The following LRMDA variants were observed in gnomAD, a reference collection of about 807,000 sequenced individuals.
The protein encoded by LRMDA is leucine-rich melanocyte differentiation-associated protein.
A neutral mutation model predicts 29.8 loss-of-function variants in LRMDA; 18 were observed. The ratio of observed to expected loss-of-function variants is 0.60; its 90% CI spans 0.42 to 0.90. The LOEUF (loss-of-function observed/expected upper bound fraction) is 0.90, where lower values mean the gene tolerates loss of function less well. LRMDA is among the 40% of genes least tolerant of loss of function. The pLI is 0.00. For missense variants in LRMDA, 273 were observed against 273.9 expected (o/e 1.00, Z 0.02); for synonymous variants, 125 against 109.4 (o/e 1.14, Z -0.89).
chr10:75,928,963 G>A (rs1846164801), intron 2 of LRMDA, among the ~76,000 whole-genome samples: 1 of 152,166 alleles, frequency 6.6e-6, no homozygotes, highest in South Asian at 2.1e-4. Context: ...TTTCTTTGGG[G>A]AAAGGATTAC....
intron 2 of LRMDA, among the ~76,000 whole-genome samples, chr10:75,981,467 CA>C (rs1847169083): frequency 6.6e-6 from 1 of 152,152 alleles, no homozygotes; most frequent in Admixed American, 6.5e-5. Flanking sequence ...TAACATATAA[CA>C]GGGTGGGTTT....
At chr10:76,299,182 T>TGTGTGC (rs1456708447) in intron 5 of LRMDA, among the ~76,000 whole-genome samples, 2 of 151,916 alleles carry the variant, frequency 1.3e-5, no homozygotes, top group Non-Finnish European at 2.9e-5. Flanking sequence ...TGTGTGTGTG[T>TGTGTGC]GTGTGTGCAT....
chr10:75,557,798 T>A (rs1436515971), intron 2 of LRMDA, among the ~76,000 whole-genome samples: 1 of 152,198 alleles, frequency 6.6e-6, no homozygotes, highest in East Asian at 1.9e-4. Context: ...CCTCTTCTTT[T>A]AAAGCTAGAT....
At chr10:76,509,964 A>G (rs1292616921) in intron 6 of LRMDA, among the ~76,000 whole-genome samples, 1 of 152,208 alleles carries the variant, frequency 6.6e-6, no homozygotes, top group Non-Finnish European at 1.5e-5. Context: ...TAAAACTAGT[A>G]TGCTCCAACC....
intron 2 of LRMDA, among the ~76,000 whole-genome samples, chr10:75,852,795 GT>G (rs1359709380): frequency 6.6e-6 from 1 of 152,066 alleles, no homozygotes. Context: ...TATGATGAGT[GT>G]TCAAAACTAG....
chr10:75,468,144 CA>C, intron 2 of LRMDA, among the ~76,000 whole-genome samples: 1 of 152,276 alleles, frequency 6.6e-6, no homozygotes, highest in South Asian at 2.1e-4. Flanking sequence ...TGGAACCAGG[CA>C]AAAGTATTTG....
At chr10:76,502,413 T>G (rs1842919314) in intron 6 of LRMDA, among the ~76,000 whole-genome samples, 1 of 152,106 alleles carries the variant, frequency 6.6e-6, no homozygotes, top group Non-Finnish European at 1.5e-5. Flanking sequence ...ATTGGCAGTT[T>G]GATAGAAGTA....
intron 2 of LRMDA, among the ~76,000 whole-genome samples, chr10:75,491,591 G>A (rs1844988049): frequency 6.6e-6 from 1 of 152,236 alleles, no homozygotes; most frequent in South Asian, 2.1e-4. Flanking sequence ...AGGGCCCCAA[G>A]TTGGGTAATA....
chr10:75,519,808 T>C (rs1031708226), intron 2 of LRMDA, among the ~76,000 whole-genome samples: 10 of 152,246 alleles, frequency 6.6e-5, no homozygotes, highest in Non-Finnish European at 1.5e-5. Context: ...GTTTTTGCAG[T>C]GGCTGGTACC....
chr10:75,807,778 AC>A (rs1843882148), intron 2 of LRMDA, among the ~76,000 whole-genome samples: 1 of 152,162 alleles, frequency 6.6e-6, no homozygotes, highest in African/African-American at 2.4e-5. Flanking sequence ...AACATAATGT[AC>A]CTGTATTTAT....
intron 2 of LRMDA, among the ~76,000 whole-genome samples, chr10:75,613,122 T>TG (rs2132100677): frequency 6.6e-6 from 1 of 152,140 alleles, no homozygotes; most frequent in East Asian, 1.9e-4. Flanking sequence ...GCCAATTTTT[T>TG]TTTTTTTGTA....
chr10:75,876,429 A>G (rs1589237530), intron 2 of LRMDA, among the ~76,000 whole-genome samples: 1 of 152,306 alleles, frequency 6.6e-6, no homozygotes, highest in African/African-American at 2.4e-5. Flanking sequence ...CAGAAAGAGA[A>G]GGAGAGAGGC....
chr10:75,670,639 A>C (rs1426748760), intron 2 of LRMDA, among the ~76,000 whole-genome samples: 1 of 152,144 alleles, frequency 6.6e-6, no homozygotes, highest in Non-Finnish European at 1.5e-5. Context: ...TGATGTCTCC[A>C]GCTTGGTGTG....
intron 4 of LRMDA, 128 bp downstream of exon 4, chr10:76,047,431 AC>A: frequency 1.0e-6 from 1 of 979,284 alleles, no homozygotes; most frequent in Non-Finnish European, 1.4e-6. Flanking sequence ...ACAATGTTAA[AC>A]TTTTACCTTT....
intron 6 of LRMDA, among the ~76,000 whole-genome samples, chr10:76,395,019 G>A (rs1270674297): frequency 6.6e-6 from 1 of 152,154 alleles, no homozygotes; most frequent in African/African-American, 2.4e-5. Flanking sequence ...TATCTAAGAA[G>A]AGTAGGCTTT....
chr10:76,405,536 A>C lies in LRMDA; in HGVS notation c.601+81051A>C, dbSNP rs568155830. Among the ~76,000 whole-genome samples the C allele has an allele frequency of 5.3e-5, 8 of 152,306 alleles. No homozygotes were observed. In the East Asian group the frequency reaches 1.5e-3, roughly 29 times the overall value. On this transcript the variant is annotated intron_variant, in intron 6 of 6. Coordinates refer to ENST00000611255, the MANE Select transcript of LRMDA (RefSeq NM_001305581.2). ...GACTTGTCATTATTTTAACCCAAGT[A>C]GACAGTTCTCGCCTGTCTAAGGATG...
intron 6 of LRMDA, among the ~76,000 whole-genome samples, chr10:76,383,575 C>A (rs926697220): frequency 6.7e-6 from 1 of 149,954 alleles, no homozygotes; most frequent in Non-Finnish European, 1.5e-5. Flanking sequence ...GGACTACAGG[C>A]GCCCGCCACC....
chr10:76,114,011 C>T lies in LRMDA; in HGVS notation c.516+55228C>T, dbSNP rs910440987. On this transcript the variant is annotated intron_variant, in intron 5 of 6. Transcript: ENST00000611255. The stretch of plus-strand genomic sequence containing the variant: ...TACAAAGCTGCTTTGTGGTTTTTTT[C>T]GGCCTGTCAGACTTGTCAGGCCTAG... Among the ~76,000 whole-genome samples the T allele has an allele frequency of 6.6e-5, 10 of 152,214 alleles. No individual in the cohort carries two copies. In the South Asian group the frequency reaches 1.2e-3, roughly 19 times the overall value.
At chr10:76,198,131 T>G (rs922473724) in intron 5 of LRMDA, among the ~76,000 whole-genome samples, 3 of 152,222 alleles carry the variant, frequency 2.0e-5, no homozygotes, top group African/African-American at 4.8e-5. Flanking sequence ...TTCTACTTTC[T>G]TAACTTTCTG....
Sources: gnomAD v4.1 joint callset for allele counts (sites outside exome capture counted in the v4.1 genomes callset) on GRCh38, gnomAD v4.1.1 for gene constraint, MANE v1.5 for transcripts, NCBI Gene and HGNC (gene_info 2026-07-23, HGNC 2026-07-21) for gene names.